Variants in PRKCZ observed in about 807,000 individuals in gnomAD.
The protein encoded by PRKCZ is protein kinase C zeta.
In PRKCZ, 33 loss-of-function variants were observed where a neutral mutation model predicts 79.5. The ratio of observed to expected loss-of-function variants is 0.41; its 90% CI spans 0.31 to 0.55. The LOEUF (loss-of-function observed/expected upper bound fraction) is 0.55, where lower values mean the gene tolerates loss of function less well. Among genes scored for constraint, PRKCZ ranks in the 20% least tolerant of loss-of-function variants. The pLI is 0.19. For synonymous variants in PRKCZ, 342 were observed against 320.9 expected, an observed-to-expected ratio of 1.07 and a Z score of -0.70; for missense variants, 578 against 813.5, an observed-to-expected ratio of 0.71 and a Z score of 3.52.
chr1:2,110,773 G>T (rs1331626865), intron 4 of PRKCZ, among the ~76,000 whole-genome samples: 1 of 152,136 alleles, frequency 6.6e-6, no homozygotes, highest in Non-Finnish European at 1.5e-5. Flanking sequence ...GAGTGAAGGG[G>T]GCTGGGGTGG....
Position 2,126,652 on chromosome 1 carries a change from A to G in PRKCZ, c.335-8610A>G, listed in dbSNP as rs118137464. Among the ~76,000 whole-genome samples, 474 of 152,326 alleles carry G rather than the reference A, an allele frequency of 3.1e-3. 12 individuals carry two copies. The East Asian group carries it at 0.065, about 21-fold the overall frequency. ...GGGCATCAGAGCCACCCATGAGGGC[A>G]GCTGGATGCAGCGGCCACAGCCTGT... is the stretch of plus-strand genomic sequence containing the variant. On this transcript the variant is annotated intron_variant, in intron 4 of 17. Transcript: ENST00000378567.
intron 3 of PRKCZ, among the ~76,000 whole-genome samples, chr1:2,058,007 A>G (rs1436102599): frequency 6.6e-6 from 1 of 152,284 alleles, no homozygotes; most frequent in East Asian, 1.9e-4. Context: ...AGCTGGGACT[A>G]CAGGCATGTG....
chr1:2,057,807 C>T (rs570047512), intron 3 of PRKCZ, among the ~76,000 whole-genome samples: 4 of 152,190 alleles, frequency 2.6e-5, no homozygotes, highest in South Asian at 4.2e-4. Flanking sequence ...CAGATATAAG[C>T]GATTGTCCTG....
At chr1:2,115,625 C>G (rs920023097) in intron 4 of PRKCZ, among the ~76,000 whole-genome samples, 1 of 152,246 alleles carries the variant, frequency 6.6e-6, no homozygotes, top group African/African-American at 2.4e-5. Context: ...AGGTGACAAC[C>G]TGGATTCTGA....
intron 8 of PRKCZ, among the ~76,000 whole-genome samples, chr1:2,150,277 G>A (rs911268009): frequency 2.6e-5 from 4 of 152,132 alleles, no homozygotes; most frequent in African/African-American, 9.7e-5. Context: ...GGAGGCAGAG[G>A]CTTCTGTTCT....
rs895626629 is a variant in PRKCZ at position 2,169,513 on chromosome 1, T to C, written c.975-5T>C. 88 of 1,548,218 alleles carry C rather than the reference T, an allele frequency of 5.7e-5. No individual in the cohort carries two copies. Among genetic ancestry groups the C allele is most frequent in the Non-Finnish European group, 7.5e-5 (86 of 1,145,090 alleles). ...CTGCAGCCTCCGGCGCCTCTCTCCC[T>C]GCAGGTTGTTCCTGGTCATTGAGTA... On this transcript the variant is annotated splice_polypyrimidine_tract_variant and splice_region_variant and intron_variant, in intron 10 of 17. Transcript: ENST00000378567.
At chr1:2,144,639 C>T in intron 6 of PRKCZ, 1 of 1,205,072 alleles carries the variant, frequency 8.3e-7, no homozygotes, top group South Asian at 1.8e-5. Flanking sequence ...ATTCATACCC[C>T]AGTCTTGAAC....
At chr1:2,105,839 CAGACACATAGTTGTCATCGTCGGATG>C (rs1668301989) in intron 4 of PRKCZ, among the ~76,000 whole-genome samples, 1 of 152,216 alleles carries the variant, frequency 6.6e-6, no homozygotes, top group Admixed American at 6.5e-5. Context: ...AGGTCACTTT[CAGACACATAGTTGTCATCGTCGGATG>C]AGAATTATTC....
intron 4 of PRKCZ, chr1:2,104,802 G>A: frequency 1.0e-6 from 1 of 985,944 alleles, no homozygotes; most frequent in South Asian, 4.7e-5. Flanking sequence ...GCACGAAAGG[G>A]AGAGTTGGAG....
chr1:2,126,615 C>T (rs1456288989), intron 4 of PRKCZ, among the ~76,000 whole-genome samples: 1 of 152,184 alleles, frequency 6.6e-6, no homozygotes, highest in Admixed American at 6.5e-5. Context: ...GATGAACAAG[C>T]CCAAGGTCTT....
At chr1:2,096,621 C>T (rs61775407) in intron 4 of PRKCZ, among the ~76,000 whole-genome samples, 3,884 of 152,230 alleles carry the variant, frequency 0.026, 70 homozygotes, top group South Asian at 0.039. Context: ...GTGGCATGGA[C>T]GGTGGCAGCT....
intron 10 of PRKCZ, among the ~76,000 whole-genome samples, chr1:2,166,958 A>G (rs901821722): frequency 6.6e-6 from 1 of 152,224 alleles, no homozygotes; most frequent in African/African-American, 2.4e-5. Flanking sequence ...GTGGGCTCGG[A>G]GCATGCTCAG....
intron 4 of PRKCZ, among the ~76,000 whole-genome samples, chr1:2,083,959 C>A (rs897597216): frequency 6.6e-6 from 1 of 152,166 alleles, no homozygotes; most frequent in Non-Finnish European, 1.5e-5. Context: ...TGGCCGGGCG[C>A]GGTGGCTCAC....
At position 2,150,807 on chromosome 1, in the gene PRKCZ, C is replaced by T. The variant is rs947767417; in HGVS notation, c.705C>T (p.Ile235=). The change falls in exon 9 of 18, where the codon ATC becomes ATT. Residue 235 remains isoleucine (I), a synonymous_variant. Coordinates refer to ENST00000378567, the MANE Select transcript of PRKCZ (RefSeq NM_002744.6). The stretch of plus-strand genomic sequence containing the variant: ...CTCCCTAGGACCTTAAGCCAGTTAT[C>T]GATGGGATGGATGGAATCAAAATCT... ...KDDSEDLKPV[I]DGMDGIKISQ... is the part of the protein sequence containing the mutation. The T allele has an allele frequency of 2.9e-5, 46 of 1,613,844 alleles. No homozygotes were observed. The highest frequency in any genetic ancestry group is 3.8e-5 in the Non-Finnish European group (45 of 1,179,944).
chr1:2,139,761 C>CTTTT (rs1676948544), intron 5 of PRKCZ, among the ~76,000 whole-genome samples: 1 of 152,164 alleles, frequency 6.6e-6, no homozygotes, highest in Non-Finnish European at 1.5e-5. Context: ...AGAAATCACC[C>CTTTT]GTCATTCGGA....
At chr1:2,119,603 A>G (rs1671445336) in intron 4 of PRKCZ, among the ~76,000 whole-genome samples, 1 of 152,054 alleles carries the variant, frequency 6.6e-6, no homozygotes, top group Non-Finnish European at 1.5e-5. Flanking sequence ...TTCTACGTGT[A>G]TTTCAGACCC....
In PRKCZ at chr1:2,158,855, G is replaced by A. The variant is rs549808210; in HGVS notation, c.974+2763G>A. The stretch of plus-strand genomic sequence containing the variant: ...GGGTGTCTGTGGGATCCCCGCAGCG[G>A]CACCAATCACTGTCCTGTGGGAGCA... On this transcript the variant is annotated intron_variant, in intron 10 of 17. Coordinates refer to ENST00000378567, the MANE Select transcript of PRKCZ (RefSeq NM_002744.6). Among the ~76,000 whole-genome samples the A allele has an allele frequency of 4.6e-5, 7 of 152,274 alleles. No individual in the cohort carries two copies. The South Asian group carries it at 1.5e-3, about 32-fold the overall frequency.
chr1:2,124,671 G>A (rs548605394), intron 4 of PRKCZ, among the ~76,000 whole-genome samples: 11 of 152,254 alleles, frequency 7.2e-5, no homozygotes, highest in East Asian at 1.9e-4. Flanking sequence ...TGGCTGAGCC[G>A]ACGGAGACAG....
chr1:2,147,711 ATCTG>A (rs1272881194), intron 7 of PRKCZ, among the ~76,000 whole-genome samples: 1 of 133,032 alleles, frequency 7.5e-6, no homozygotes, highest in South Asian at 2.4e-4. Context: ...CTGTCCACCC[ATCTG>A]TCTGTTGTCC....
Sources: allele counts gnomAD v4.1 joint callset (sites outside exome capture counted in the v4.1 genomes callset), GRCh38; gene constraint gnomAD v4.1.1; transcripts MANE v1.5; gene names NCBI Gene and HGNC (gene_info 2026-07-23, HGNC 2026-07-21).